Variants in PCDHA7 observed in about 807,000 individuals in gnomAD.
PCDHA7 encodes the protein protocadherin alpha-7.
Under a neutral mutation model 57.2 loss-of-function variants are expected in PCDHA7, and 37 were observed. That is an observed-to-expected ratio of 0.65 (90% CI 0.50 to 0.85). PCDHA7 has a LOEUF of 0.85. Among genes scored for constraint, PCDHA7 ranks in the 40% least tolerant of loss-of-function variants. The probability of loss-of-function intolerance (pLI) is 0.00; values close to 1 mark genes in which losing one functional copy is unlikely to be tolerated. For synonymous variants in PCDHA7, 553 were observed against 558.8 expected, an observed-to-expected ratio of 0.99 and a Z score of 0.15; for missense variants, 1,188 against 1,241.8, an observed-to-expected ratio of 0.96 and a Z score of 0.65.
At chr5:140,877,583 T>A (rs782090888) in intron 1 of PCDHA7, 2 of 1,613,816 alleles carry the variant, frequency 1.2e-6, no homozygotes, top group East Asian at 4.5e-5. Context: ...ATCATCGCCA[T>A]CTGTGCGGTG....
At chr5:140,899,702 G>A (rs2067498720) in intron 1 of PCDHA7, among the ~76,000 whole-genome samples, 1 of 152,228 alleles carries the variant, frequency 6.6e-6, no homozygotes, top group African/African-American at 2.4e-5. Flanking sequence ...CATAAAATGA[G>A]TTAGGGAGGA....
chr5:140,842,949 C>A lies in PCDHA7; in HGVS notation c.2355+6211C>A, dbSNP rs2150348537. ...GTGAGCGCGCGCGACGCGGGCGTGC[C>A]GCCTCTGGGCAGCAACGTGACGCTG... On this transcript the variant is annotated intron_variant, in intron 1 of 3. Coordinates refer to ENST00000525929, the MANE Select transcript of PCDHA7 (RefSeq NM_018910.3). 3.3e-3 allele frequency: 5,193 copies of A among 1,594,666 alleles called. 424 individuals are homozygous for A. The African/African-American group carries it at 0.061, about 19-fold the overall frequency.
intron 2 of PCDHA7, 103 bp downstream of exon 2, chr5:140,979,110 C>G (rs1223081047): frequency 4.6e-5 from 69 of 1,515,610 alleles, no homozygotes; most frequent in Non-Finnish European, 5.9e-5. Flanking sequence ...AACTAAAAAG[C>G]TTTAGGTACT....
Position 140,849,460 on chromosome 5 carries a change from C to T in PCDHA7, c.2355+12722C>T, listed in dbSNP as rs144662587. The T allele has an allele frequency of 6.9e-6, 11 of 1,588,102 alleles. 3 individuals are homozygous for T. Among genetic ancestry groups the T allele is most frequent in the Non-Finnish European group, 9.5e-6 (11 of 1,161,646 alleles). On this transcript the variant is annotated intron_variant, in intron 1 of 3. Transcript: ENST00000525929. ...AGAGCACACAAGATCCCAGTCGAGG[C>T]TGTCGATAAAGGCTTCCCACCCCTG...
intron 3 of PCDHA7, among the ~76,000 whole-genome samples, chr5:141,000,512 CCTT>C (rs1340468179): frequency 2.1e-5 from 3 of 144,282 alleles, no homozygotes; most frequent in Non-Finnish European, 4.5e-5. Context: ...ACTGCAACCT[CCTT>C]CTCCAGGGTT....
At chr5:140,858,647 A>T in intron 1 of PCDHA7, 1 of 821,512 alleles carries the variant, frequency 1.2e-6, no homozygotes, top group Non-Finnish European at 1.8e-6. Context: ...ATTGGTACTT[A>T]AATTTTTTTA....
chr5:140,961,647 G>C (rs1204313600), intron 1 of PCDHA7, among the ~76,000 whole-genome samples: 10 of 152,104 alleles, frequency 6.6e-5, no homozygotes, highest in African/African-American at 2.4e-4. Flanking sequence ...AAGTCTATGT[G>C]GTTAGTTTGA....
At chr5:140,876,478 G>T in intron 1 of PCDHA7, 1 of 1,614,032 alleles carries the variant, frequency 6.2e-7, no homozygotes, top group Non-Finnish European at 8.5e-7. Flanking sequence ...TCACAGCATG[G>T]TCCTGGTGGA....
At chr5:140,882,511 T>C (rs782672669) in intron 1 of PCDHA7, 2 of 1,614,128 alleles carry the variant, frequency 1.2e-6, no homozygotes, top group Admixed American at 3.3e-5. Flanking sequence ...ATCTGCAGAA[T>C]GGCATTTTGT....
intron 1 of PCDHA7, among the ~76,000 whole-genome samples, chr5:140,855,633 AT>A (rs1445956184): frequency 6.7e-6 from 1 of 149,874 alleles, no homozygotes; most frequent in Non-Finnish European, 1.5e-5. Flanking sequence ...AAATTCGGCT[AT>A]TGATAATCAT....
chr5:140,907,693 G>A (rs573463032), intron 1 of PCDHA7, among the ~76,000 whole-genome samples: 49 of 152,318 alleles, frequency 3.2e-4, no homozygotes, highest in Non-Finnish European at 6.5e-4. Flanking sequence ...GTGAGTGGAA[G>A]TCCCTGTTGC....
intron 1 of PCDHA7, among the ~76,000 whole-genome samples, chr5:140,913,111 T>C (rs2076211610): frequency 6.6e-6 from 1 of 152,194 alleles, no homozygotes; most frequent in Non-Finnish European, 1.5e-5. Context: ...TAGAATCAGT[T>C]TGGAAGTTAA....
chr5:140,849,984 C>T (rs2150461471), intron 1 of PCDHA7: 2 of 1,597,296 alleles, frequency 1.3e-6, no homozygotes, highest in Non-Finnish European at 1.7e-6. Flanking sequence ...GCTGGTGGAG[C>T]GGCGGTTGGG....
At chr5:140,851,158 C>A in intron 1 of PCDHA7, 1 of 1,299,046 alleles carries the variant, frequency 7.7e-7, no homozygotes, top group Non-Finnish European at 9.9e-7. Flanking sequence ...ATTTCTGATG[C>A]TATGCTGCCA....
chr5:140,941,206 T>TCTTC (rs201128549), intron 1 of PCDHA7, among the ~76,000 whole-genome samples: 3,670 of 95,482 alleles, frequency 0.038, 169 homozygotes, highest in African/African-American at 0.16. Flanking sequence ...TTTCTTCCTT[T>TCTTC]CTTTCTTCCT....
intron 1 of PCDHA7, chr5:140,854,437 A>G (rs551404343): frequency 6.6e-6 from 1 of 150,916 alleles, no homozygotes; most frequent in African/African-American, 2.4e-5. Context: ...AATTTGAATG[A>G]ATTTTGATGC....
chr5:140,896,465 C>A (rs967658819), intron 1 of PCDHA7, among the ~76,000 whole-genome samples: 2 of 151,988 alleles, frequency 1.3e-5, no homozygotes, highest in Non-Finnish European at 2.9e-5. Flanking sequence ...TGGGTTCAAG[C>A]GGTTCTCCTG....
rs2150375688 is a variant in PCDHA7, at chr5:140,844,999, T to C, written c.2355+8261T>C. 8.7e-5 allele frequency among the ~76,000 whole-genome samples: 13 copies of C among 149,338 alleles called. 1 individual carries two copies. Among genetic ancestry groups the C allele is most frequent in the African/African-American group, 4.9e-5 (2 of 40,784 alleles). ...TTGTTTTAAATCTTTTAATCACTTA[T>C]GAACAAATAATGTAATCATTTATGG... On this transcript the variant is annotated intron_variant, in intron 1 of 3. Transcript: ENST00000525929.
At chr5:140,913,317 TTGTA>T (rs1269286947) in intron 1 of PCDHA7, among the ~76,000 whole-genome samples, 2 of 152,152 alleles carry the variant, frequency 1.3e-5, no homozygotes, top group African/African-American at 4.8e-5. Flanking sequence ...CCTTGGTAAG[TTGTA>T]TGTGTCTAGG....
Sources: allele counts gnomAD v4.1 joint callset (sites outside exome capture counted in the v4.1 genomes callset), GRCh38; gene constraint gnomAD v4.1.1; transcripts MANE v1.5; gene names NCBI Gene and HGNC (gene_info 2026-07-23, HGNC 2026-07-21).